ETV6: variants seen among roughly 807,000 people sequenced by gnomAD.
The protein encoded by ETV6 is transcription factor ETV6.
Under a neutral mutation model 51.1 loss-of-function variants are expected in ETV6, and 16 were observed. That is an observed-to-expected ratio of 0.31 (90% CI 0.21 to 0.48). The LOEUF (loss-of-function observed/expected upper bound fraction) is 0.48. Ranked by LOEUF, ETV6 falls within the 20% of genes least tolerant of loss-of-function variation. ETV6 has a pLI of 0.99. For synonymous variants in ETV6, 240 were observed against 224.1 expected (o/e 1.07, Z -0.64); for missense variants, 458 against 594.8 (o/e 0.77, Z 2.39).
intron 2 of ETV6, among the ~76,000 whole-genome samples, chr12:11,828,101 G>A (rs556572512): frequency 2.6e-5 from 4 of 151,944 alleles, no homozygotes; most frequent in Admixed American, 2.0e-4. Flanking sequence ...TTCTTTGTAA[G>A]CATACATATC....
intron 2 of ETV6, among the ~76,000 whole-genome samples, chr12:11,829,198 A>G (rs1317619634): frequency 6.6e-6 from 1 of 152,194 alleles, no homozygotes; most frequent in African/African-American, 2.4e-5. Context: ...AGCTGCTGAA[A>G]GTATTTTGGT....
chr12:11,859,132 T>C (rs1313251890), intron 4 of ETV6, among the ~76,000 whole-genome samples: 3,643 of 60,938 alleles, frequency 0.06, 999 homozygotes, highest in African/African-American at 0.11. Flanking sequence ...TTTTTTTTTT[T>C]TTTTTTTTTT....
rs1947341795 is a variant in ETV6, at chr12:11,893,818, ATATATATATATATATAT to A, written c.*2773_*2789del. Reference sequence around the variant, plus strand: ...TTTATATATATATATATATATATATATATATATATATATATATATATATACACACACACACACATACA... The same window carrying A: ...TTTATATATATATATATATATATATAATATATACACACACACACACATACA... On this transcript the variant is annotated 3_prime_UTR_variant, in exon 8 of 8. Coordinates refer to ENST00000396373, the MANE Select transcript of ETV6 (RefSeq NM_001987.5). The A allele has an allele frequency of 1.6e-5, 2 of 125,396 alleles. No homozygotes were observed. The highest frequency in any genetic ancestry group is 1.0e-4 in the African/African-American group (2 of 19,718). 7.8% of individuals were successfully genotyped at this position (125,396 alleles called of 1,614,324 possible).
chr12:11,854,442 G>A (rs1946602092), intron 4 of ETV6, among the ~76,000 whole-genome samples: 1 of 152,210 alleles, frequency 6.6e-6, no homozygotes, highest in Non-Finnish European at 1.5e-5. Context: ...TGATAAGCAA[G>A]GATGAAGTGA....
chr12:11,806,627 G>A (rs1945832780), intron 2 of ETV6, among the ~76,000 whole-genome samples: 1 of 152,210 alleles, frequency 6.6e-6, no homozygotes, highest in Admixed American at 6.5e-5. Context: ...GCTAGACACT[G>A]TAGATAATAT....
At chr12:11,812,567 T>C (rs1945929277) in intron 2 of ETV6, among the ~76,000 whole-genome samples, 1 of 152,176 alleles carries the variant, frequency 6.6e-6, no homozygotes, top group Admixed American at 6.5e-5. Context: ...GGGTGGATTT[T>C]CTTGTTTTCT....
intron 1 of ETV6, among the ~76,000 whole-genome samples, chr12:11,656,542 G>A (rs991898532): frequency 6.6e-6 from 1 of 152,192 alleles, no homozygotes; most frequent in Non-Finnish European, 1.5e-5. Context: ...GTCACACAAA[G>A]CCACCACCCA....
rs570348452 is a variant in ETV6 at position 11,880,978 on chromosome 12, G to A, written c.1010-3467G>A. 5.9e-5 allele frequency among the ~76,000 whole-genome samples: 9 copies of A among 152,000 alleles called. No individual in the cohort carries two copies. The East Asian group carries it at 1.4e-3, about 23-fold the overall frequency. On this transcript the variant is annotated intron_variant, in intron 5 of 7. Coordinates refer to ENST00000396373, the MANE Select transcript of ETV6 (RefSeq NM_001987.5). Reference sequence around the variant, plus strand: ...TACAGTCTCACTCTGTCACTCTATCGCCCAGGCTGAGTGCAGTGGGTTGAT... The same window carrying A: ...TACAGTCTCACTCTGTCACTCTATCACCCAGGCTGAGTGCAGTGGGTTGAT...
In ETV6 at chr12:11,890,925, ACTT is replaced by A. The variant is rs770190738; in HGVS notation, c.1254-8_1254-6del. On this transcript the variant is annotated splice_polypyrimidine_tract_variant and intron_variant, in intron 7 of 7. Transcript: ENST00000396373. ...GAAAATGGAATCTCTTACCTCCTCC[ACTT>A]CTTCTTCCAAAGGTTTATGAAAACC... 17 of 1,602,506 alleles carry A rather than the reference ACTT, an allele frequency of 1.1e-5. No homozygotes were observed. The highest frequency in any genetic ancestry group is 1.7e-4 in the Middle Eastern group (1 of 6,038).
At chr12:11,872,452 G>T (rs1011390849) in intron 5 of ETV6, among the ~76,000 whole-genome samples, 17 of 151,416 alleles carry the variant, frequency 1.1e-4, no homozygotes, top group African/African-American at 4.1e-4. Context: ...TTATTTAGTA[G>T]GTTTGTAAAT....
intron 7 of ETV6, among the ~76,000 whole-genome samples, chr12:11,889,680 C>G (rs544479605): frequency 6.6e-6 from 1 of 152,148 alleles, no homozygotes; most frequent in African/African-American, 2.4e-5. Flanking sequence ...GAGCCAAGAC[C>G]GCTAGACTGC....
Position 11,879,454 on chromosome 12 carries a change from C to T in ETV6, c.1010-4991C>T, listed in dbSNP as rs190043175. Among the ~76,000 whole-genome samples, 600 of 152,270 alleles carry T rather than the reference C, an allele frequency of 3.9e-3. 2 individuals carry two copies. The highest frequency in any genetic ancestry group is 0.014 in the African/African-American group (574 of 41,562). Reference sequence around the variant, plus strand: ...TGTGAATTGCCCATCTTTTTACAATCTCTGCTCAATAAGTTTATACAATGA... The same window carrying T: ...TGTGAATTGCCCATCTTTTTACAATTTCTGCTCAATAAGTTTATACAATGA... On this transcript the variant is annotated intron_variant, in intron 5 of 7. Transcript: ENST00000396373.
chr12:11,666,673 G>A (rs1392525247), intron 1 of ETV6, among the ~76,000 whole-genome samples: 1 of 152,184 alleles, frequency 6.6e-6, no homozygotes, highest in Admixed American at 6.5e-5. Flanking sequence ...TGTTGCCATT[G>A]AGGTACAGCT....
intron 2 of ETV6, among the ~76,000 whole-genome samples, chr12:11,826,210 A>C (rs1453103031): frequency 6.6e-6 from 1 of 152,138 alleles, no homozygotes; most frequent in African/African-American, 2.4e-5. Flanking sequence ...ACCCCATCTT[A>C]CGCTCTGCCC....
intron 2 of ETV6, among the ~76,000 whole-genome samples, chr12:11,775,245 G>A (rs1475796029): frequency 6.6e-6 from 1 of 152,212 alleles, no homozygotes; most frequent in Non-Finnish European, 1.5e-5. Context: ...TGACTGGATG[G>A]CGGCAGCAGA....
At chr12:11,852,641 C>T (rs1347783843) in intron 3 of ETV6, among the ~76,000 whole-genome samples, 2 of 152,108 alleles carry the variant, frequency 1.3e-5, no homozygotes, top group Non-Finnish European at 2.9e-5. Flanking sequence ...GTAAAAAGAA[C>T]ATCCTCACAA....
intron 2 of ETV6, among the ~76,000 whole-genome samples, chr12:11,753,166 G>C (rs1866071195): frequency 1.3e-5 from 2 of 151,968 alleles, no homozygotes; most frequent in Admixed American, 1.3e-4. Context: ...TGCCTCAGCA[G>C]CTGCAGTCTG....
At chr12:11,687,959 A>C (rs1037866607) in intron 1 of ETV6, among the ~76,000 whole-genome samples, 5 of 152,258 alleles carry the variant, frequency 3.3e-5, no homozygotes, top group Non-Finnish European at 5.9e-5. Context: ...AGTCTCTTAC[A>C]GGTATTCGCT....
chr12:11,887,977 C>A (rs2855759), intron 7 of ETV6, among the ~76,000 whole-genome samples: 127,358 of 152,046 alleles, frequency 0.84, 53,640 homozygotes, highest in Middle Eastern at 0.91. Flanking sequence ...CCAGAAGGGA[C>A]TGTTGCCAGA....
Sources: gnomAD v4.1 joint callset for allele counts (sites outside exome capture counted in the v4.1 genomes callset) on GRCh38, gnomAD v4.1.1 for gene constraint, MANE v1.5 for transcripts, NCBI Gene and HGNC (gene_info 2026-07-23, HGNC 2026-07-21) for gene names.